The following ZNF43 variants were observed in gnomAD, a reference collection of about 807,000 sequenced individuals.
ZNF43 encodes the protein zinc finger protein 39-like 1 (KOX 27).
A neutral mutation model predicts 68.4 loss-of-function variants in ZNF43; 44 were observed. That is an observed-to-expected ratio of 0.64 (90% CI 0.51 to 0.83). The LOEUF is 0.83. Ranked by LOEUF, ZNF43 falls within the 40% of genes least tolerant of loss-of-function variation. The probability of loss-of-function intolerance (pLI) is 0.00; values close to 1 mark genes in which losing one functional copy is unlikely to be tolerated. For missense variants in ZNF43, 896 were observed against 933.2 expected, an observed-to-expected ratio of 0.96 and a Z score of 0.52; for synonymous variants, 308 against 307.8, an observed-to-expected ratio of 1.00 and a Z score of -0.01.
At chr19:21,836,310 G>A (rs920282972), upstream of ZNF43, 1 of 1,176,954 alleles carries the variant, frequency 8.5e-7, no homozygotes, top group East Asian at 3.5e-5. Flanking sequence ...CTGAATGAAA[G>A]ATGTGATCAG....
intron 1 of ZNF43, among the ~76,000 whole-genome samples, chr19:21,834,883 T>C (rs1463371795): frequency 2.0e-5 from 3 of 149,850 alleles, no homozygotes; most frequent in Non-Finnish European, 4.4e-5. Flanking sequence ...GTATCAAAAA[T>C]ATACAGATAT....
chr19:21,827,554 GT>G (rs1300889517), intron 1 of ZNF43, among the ~76,000 whole-genome samples: 11 of 150,818 alleles, frequency 7.3e-5, no homozygotes, highest in Admixed American at 4.7e-4. Context: ...CAGAGACAGG[GT>G]TTCTCCATGT....
intron 2 of ZNF43, 80 bp from the exon 3 acceptor site, chr19:21,818,066 G>C (rs2037616784): frequency 7.2e-7 from 1 of 1,391,542 alleles, no homozygotes; most frequent in African/African-American, 1.5e-5. Context: ...CAGTATGAAG[G>C]GTGTGATAGA....
chr19:21,811,860 AAC>A (rs1195792136), intron 3 of ZNF43, among the ~76,000 whole-genome samples: 1 of 152,316 alleles, frequency 6.6e-6, no homozygotes, highest in African/African-American at 2.4e-5. Flanking sequence ...TTTTAAATAA[AAC>A]ACATAGAAAA....
intron 1 of ZNF43, among the ~76,000 whole-genome samples, chr19:21,820,721 T>C (rs2037785160): frequency 6.6e-6 from 1 of 152,168 alleles, no homozygotes; most frequent in Non-Finnish European, 1.5e-5. Context: ...AGACACAGCA[T>C]CACTGCTGTG....
Position 21,808,626 on chromosome 19 carries a change from T to C in ZNF43, c.1411A>G (p.Thr471Ala). 3.1e-6 allele frequency: 5 copies of C among 1,613,564 alleles called. No individual in the cohort carries two copies. Among genetic ancestry groups the C allele is most frequent in the South Asian group, 2.2e-5 (2 of 91,052 alleles). The change falls in exon 4 of 4, where the codon ACA becomes GCA. Residue 471 changes from threonine to alanine, a missense_variant. By Grantham distance (58) the Thr-to-Ala change is moderately conservative. Coordinates refer to ENST00000354959, the MANE Select transcript of ZNF43 (RefSeq NM_003423.4). ...KAFNQFSNLT[T>A]HKRIHTAEKP... Reference sequence around the variant, plus strand: ...TCTGCAGTATGAATTCTCTTATGTGTAGTAAGGTTTGAGAACTGGTTAAAG... The same window carrying C: ...TCTGCAGTATGAATTCTCTTATGTGCAGTAAGGTTTGAGAACTGGTTAAAG...
In ZNF43 at chr19:21,805,979, T is replaced by A. The variant is rs1019682748; in HGVS notation, c.*1628A>T. 1 of 152,128 alleles carries A rather than the reference T, an allele frequency of 6.6e-6. No homozygotes were observed. Among genetic ancestry groups the A allele is most frequent in the Non-Finnish European group, 1.5e-5 (1 of 68,038 alleles). 9.4% of individuals were successfully genotyped at this position (152,128 alleles called of 1,614,324 possible). On this transcript the variant is annotated 3_prime_UTR_variant, in exon 4 of 4. Coordinates refer to ENST00000354959, the MANE Select transcript of ZNF43 (RefSeq NM_003423.4). ...TATATTTACATGTAATCTAAAAATT[T>A]AAAAATGTACATTTAATTACATAAA... is the stretch of plus-strand genomic sequence containing the variant.
chr19:21,831,424 C>T (rs1365050391), intron 1 of ZNF43, among the ~76,000 whole-genome samples: 4 of 151,936 alleles, frequency 2.6e-5, no homozygotes, highest in Admixed American at 2.6e-4. Flanking sequence ...TGCAGTGGCA[C>T]AATCTCAGCT....
rs1410002911 is a variant in ZNF43 at position 21,807,784 on chromosome 19, T to G, written c.2253A>C (p.Thr751=). Reference sequence around the variant, plus strand: ...GCTCTTTAGTATGAATTCTCTTATGTGTATTAAGGTGTGAGGAATAGTTAA... The same window carrying G: ...GCTCTTTAGTATGAATTCTCTTATGGGTATTAAGGTGTGAGGAATAGTTAA... The part of the protein sequence containing the change: ...KAFNYSSHLN[T]HKRIHTKEQP... The change falls in exon 4 of 4, where the codon ACA becomes ACC. Residue 751 remains threonine, a synonymous_variant. Coordinates refer to ENST00000354959, the MANE Select transcript of ZNF43 (RefSeq NM_003423.4). 3 of 1,613,376 alleles carry G rather than the reference T, an allele frequency of 1.9e-6. No individual in the cohort carries two copies. Among genetic ancestry groups the G allele is most frequent in the Non-Finnish European group, 8.5e-7 (1 of 1,179,636 alleles).
rs2037185884 is a variant in ZNF43 at position 21,809,717 on chromosome 19, C to G, written c.320G>C (p.Cys107Ser). The change falls in exon 4 of 4, where the codon TGT becomes TCT. Residue 107 changes from cysteine to serine, a missense_variant. Coordinates refer to ENST00000354959, the MANE Select transcript of ZNF43 (RefSeq NM_003423.4). ...TTTTAAATGTACATTTTTATGTTCA[C>G]AGTTTTTATATCTTCTCAGTGTCGC... ...QKATLRRYKN[C>S]EHKNVHLKKD... 6.2e-7 allele frequency: 1 copy of G among 1,612,734 alleles called. No individual in the cohort carries two copies. The highest frequency in any genetic ancestry group is 1.3e-5 in the African/African-American group (1 of 74,740).
At chr19:21,844,250 G>A (rs1967746311) in intron 1 of ZNF43, among the ~76,000 whole-genome samples, 1 of 150,116 alleles carries the variant, frequency 6.7e-6, no homozygotes, top group Non-Finnish European at 1.5e-5. Flanking sequence ...TCAGAAGGCT[G>A]AGGCAGGAGA....
upstream of ZNF43, among the ~76,000 whole-genome samples, chr19:21,836,464 A>G (rs2038746336): frequency 6.6e-6 from 1 of 152,212 alleles, no homozygotes; most frequent in Admixed American, 6.5e-5. Flanking sequence ...TAAGTAATAT[A>G]CTATATGGAT....
intron 1 of ZNF43, among the ~76,000 whole-genome samples, chr19:21,819,884 G>A (rs1028218230): frequency 6.6e-6 from 1 of 151,990 alleles, no homozygotes; most frequent in African/African-American, 2.4e-5. Context: ...GATGGTTTAC[G>A]TACATCAGTT....
chr19:21,825,110 T>G (rs1486408175), intron 1 of ZNF43, among the ~76,000 whole-genome samples: 2 of 152,138 alleles, frequency 1.3e-5, no homozygotes, highest in Non-Finnish European at 2.9e-5. Context: ...GGCATATGCT[T>G]GTAATCCCAG....
chr19:21,812,158 ACT>A (rs2037306854), intron 3 of ZNF43: 1 of 371,740 alleles, frequency 2.7e-6, no homozygotes, highest in Non-Finnish European at 4.8e-6. Flanking sequence ...ACGGAGTCTC[ACT>A]CTGTCACCCA....
At chr19:21,837,415 CTTTTTTTTTTTTTTT>C (rs539940868), upstream of ZNF43, among the ~76,000 whole-genome samples, 5 of 83,958 alleles carry the variant, frequency 6.0e-5, no homozygotes, top group African/African-American at 1.8e-4. Context: ...CCTACACTTA[CTTTTTTTTTTTTTTT>C]TTTTTTTTTT....
At chr19:21,825,514 GT>G (rs976374499) in intron 1 of ZNF43, among the ~76,000 whole-genome samples, 2 of 151,612 alleles carry the variant, frequency 1.3e-5, no homozygotes, top group Non-Finnish European at 1.5e-5. Flanking sequence ...TCAGATTAAA[GT>G]TTTTTTTTAT....
chr19:21,849,361 G>A (rs1004685284), intron 1 of ZNF43, among the ~76,000 whole-genome samples: 1 of 151,872 alleles, frequency 6.6e-6, no homozygotes, highest in Non-Finnish European at 1.5e-5. Context: ...AGTGGCACAT[G>A]CCTGTAATCC....
intron 1 of ZNF43, among the ~76,000 whole-genome samples, chr19:21,823,486 G>A (rs1358094062): frequency 6.6e-6 from 1 of 151,494 alleles, no homozygotes; most frequent in Admixed American, 6.6e-5. Context: ...TTCAAATGTC[G>A]CAAAGATGTC....
Sources: gnomAD v4.1 joint callset for allele counts (sites outside exome capture counted in the v4.1 genomes callset) on GRCh38, gnomAD v4.1.1 for gene constraint, MANE v1.5 for transcripts, NCBI Gene and HGNC (gene_info 2026-07-23, HGNC 2026-07-21) for gene names.